PCDHA10: variants seen among roughly 807,000 people sequenced by gnomAD.
PCDHA10 encodes protocadherin alpha-10.
PCDHA10 carries 45 observed loss-of-function variants against 61.2 expected under a neutral mutation model. The ratio of observed to expected loss-of-function variants is 0.74; its 90% CI spans 0.58 to 0.94. The LOEUF (loss-of-function observed/expected upper bound fraction) is 0.94, where lower values mean the gene tolerates loss of function less well. Among genes scored for constraint, PCDHA10 ranks in the 40% least tolerant of loss-of-function variants. The pLI is 0.00. For missense variants in PCDHA10, 1,278 were observed against 1,236.2 expected (o/e 1.03, Z -0.51); for synonymous variants, 602 against 548.8 (o/e 1.10, Z -1.35).
At chr5:140,875,233 G>C in intron 1 of PCDHA10, 2 of 863,878 alleles carry the variant, frequency 2.3e-6, no homozygotes, top group Non-Finnish European at 3.3e-6. Context: ...GATCTTTCTT[G>C]TACTTACATA....
chr5:140,912,227 C>T (rs1422799663), intron 1 of PCDHA10, among the ~76,000 whole-genome samples: 1 of 151,784 alleles, frequency 6.6e-6, no homozygotes, highest in Non-Finnish European at 1.5e-5. Flanking sequence ...TTTCCCAGTC[C>T]ACTGACTCAA....
intron 1 of PCDHA10, among the ~76,000 whole-genome samples, chr5:140,955,489 A>G (rs1554221953): frequency 1.3e-5 from 2 of 152,114 alleles, no homozygotes; most frequent in Non-Finnish European, 2.9e-5. Context: ...CCTTCCTGCC[A>G]CCATGTGAAG....
intron 1 of PCDHA10, chr5:140,870,382 C>G (rs782627889): frequency 7.4e-6 from 12 of 1,614,062 alleles, no homozygotes; most frequent in Non-Finnish European, 1.0e-5. Context: ...GGTGACTGCG[C>G]GGGATGGGGG....
At chr5:140,983,473 ATAG>A (rs746174585) in intron 3 of PCDHA10, among the ~76,000 whole-genome samples, 7 of 152,242 alleles carry the variant, frequency 4.6e-5, no homozygotes, top group Admixed American at 6.5e-5. Flanking sequence ...CATGATGATA[ATAG>A]TAGTTACTAA....
chr5:140,972,957 C>T (rs369707081), intron 1 of PCDHA10, among the ~76,000 whole-genome samples: 1 of 152,054 alleles, frequency 6.6e-6, no homozygotes, highest in East Asian at 1.9e-4. Context: ...CCACCATGCC[C>T]GGCAAAGGAA....
At position 140,856,380 on chromosome 5, in the gene PCDHA10, G is replaced by T; in HGVS notation, c.332G>T (p.Arg111Met). ...ATCCACCTGGAGGTGATCGTGGACA[G>T]GCCGCTGCAGGTTTTCCATGTGGAC... Reference protein sequence around the residue: ...CSIHLEVIVDRPLQVFHVDVE... With the variant: ...CSIHLEVIVDMPLQVFHVDVE... The change falls in exon 1 of 4, where the codon AGG (arginine) becomes ATG (methionine). Residue 111 changes from arginine to methionine, a missense_variant. Coordinates refer to ENST00000307360, the MANE Select transcript of PCDHA10 (RefSeq NM_018901.4). 1 of 1,598,530 alleles carries T rather than the reference G, an allele frequency of 6.3e-7. No individual in the cohort carries two copies. The highest frequency in any genetic ancestry group is 8.6e-7 in the Non-Finnish European group (1 of 1,167,980).
At chr5:140,965,994 T>C (rs1377339531) in intron 1 of PCDHA10, among the ~76,000 whole-genome samples, 1 of 152,130 alleles carries the variant, frequency 6.6e-6, no homozygotes, top group Non-Finnish European at 1.5e-5. Context: ...TCTGCAGTAC[T>C]TAAGAGTGTC....
At chr5:140,888,260 A>G (rs563968634) in intron 1 of PCDHA10, among the ~76,000 whole-genome samples, 1 of 152,194 alleles carries the variant, frequency 6.6e-6, no homozygotes, top group South Asian at 2.1e-4. Flanking sequence ...GTAGTTCTTG[A>G]TAAGAAACAG....
At chr5:140,989,140 C>A (rs2153881117) in intron 3 of PCDHA10, among the ~76,000 whole-genome samples, 1 of 152,290 alleles carries the variant, frequency 6.6e-6, no homozygotes, top group East Asian at 1.9e-4. Context: ...CACTTTATCC[C>A]TTCTTTTGTT....
At chr5:140,871,219 G>A in intron 1 of PCDHA10, 1 of 1,613,872 alleles carries the variant, frequency 6.2e-7, no homozygotes, top group African/African-American at 1.3e-5. Flanking sequence ...CATCTGCGTG[G>A]TGTCCAGCCT....
At chr5:140,883,989 G>C (rs1554180956) in intron 1 of PCDHA10, 1 of 1,612,834 alleles carries the variant, frequency 6.2e-7, no homozygotes, top group Non-Finnish European at 8.5e-7. Flanking sequence ...GGCAGCGCGG[G>C]AGGCACAGTG....
chr5:140,947,872 T>C (rs2094186307), intron 1 of PCDHA10, among the ~76,000 whole-genome samples: 1 of 151,588 alleles, frequency 6.6e-6, no homozygotes, highest in Admixed American at 6.6e-5. Context: ...GGCTAGGACT[T>C]CCAGGACAAT....
intron 1 of PCDHA10, chr5:140,869,536 T>G: frequency 6.2e-7 from 1 of 1,614,170 alleles, no homozygotes; most frequent in Non-Finnish European, 8.5e-7. Flanking sequence ...GATTGCGGAA[T>G]CTAAGCAATC....
At chr5:140,969,930 C>T (rs1200018667) in intron 1 of PCDHA10, among the ~76,000 whole-genome samples, 1 of 152,178 alleles carries the variant, frequency 6.6e-6, no homozygotes, top group Non-Finnish European at 1.5e-5. Flanking sequence ...AGTATTTAGA[C>T]ATCATACTGA....
intron 1 of PCDHA10, among the ~76,000 whole-genome samples, chr5:140,953,053 T>G (rs1475683860): frequency 2.0e-5 from 3 of 152,142 alleles, no homozygotes; most frequent in African/African-American, 7.2e-5. Flanking sequence ...TCCAATCACC[T>G]CTCACAGGCC....
chr5:140,941,467 C>G (rs1290341607), intron 1 of PCDHA10, among the ~76,000 whole-genome samples: 4 of 151,456 alleles, frequency 2.6e-5, no homozygotes, highest in Non-Finnish European at 5.9e-5. Context: ...AGGCGCCCAC[C>G]ACCACGCCTG....
intron 1 of PCDHA10, chr5:140,875,728 G>T: frequency 6.2e-7 from 1 of 1,614,238 alleles, no homozygotes; most frequent in East Asian, 2.2e-5. Flanking sequence ...CATTTTGTTT[G>T]TGAATTCTCG....
At chr5:140,967,976 C>G in intron 1 of PCDHA10, 14 of 1,614,222 alleles carry the variant, frequency 8.7e-6, no homozygotes, top group Non-Finnish European at 1.2e-5. Context: ...GAGCCTGGGT[C>G]TGGAGGCCAC....
chr5:141,010,146 C>T lies in PCDHA10; in HGVS notation c.*209C>T. 2 of 1,584,410 alleles carry T rather than the reference C, an allele frequency of 1.3e-6. No homozygotes were observed. Among genetic ancestry groups the T allele is most frequent in the Non-Finnish European group, 1.7e-6 (2 of 1,164,258 alleles). On this transcript the variant is annotated 3_prime_UTR_variant, in exon 4 of 4. Coordinates refer to ENST00000307360, the MANE Select transcript of PCDHA10 (RefSeq NM_018901.4). ...TAAGTCTGGTGTTAACTCTTTCTCTCCACTCTGGCTTGTTTTCAGAACCTA... is the reference window on the plus strand; with the variant it reads ...TAAGTCTGGTGTTAACTCTTTCTCTTCACTCTGGCTTGTTTTCAGAACCTA...
Sources: gnomAD v4.1 joint callset for allele counts (sites outside exome capture counted in the v4.1 genomes callset) on GRCh38, gnomAD v4.1.1 for gene constraint, MANE v1.5 for transcripts, NCBI Gene and HGNC (gene_info 2026-07-23, HGNC 2026-07-21) for gene names.